The following PRKD1 variants were observed in gnomAD, a reference collection of about 807,000 sequenced individuals.
PRKD1 encodes protein kinase D1.
Under a neutral mutation model 95.9 loss-of-function variants are expected in PRKD1, and 63 were observed. The observed-to-expected ratio is 0.66, with a 90% confidence interval of 0.54 to 0.81. The LOEUF (loss-of-function observed/expected upper bound fraction) is 0.81, where lower values mean the gene tolerates loss of function less well. PRKD1 is among the 30% of genes least tolerant of loss of function. PRKD1 has a pLI of 0.00. For synonymous variants in PRKD1, 425 were observed against 423.1 expected, an observed-to-expected ratio of 1.00 and a Z score of -0.05; for missense variants, 1,048 against 1,165.3, an observed-to-expected ratio of 0.90 and a Z score of 1.47.
chr14:29,693,158 T>C (rs1226833184), intron 2 of PRKD1, among the ~76,000 whole-genome samples: 1 of 152,178 alleles, frequency 6.6e-6, no homozygotes, highest in Non-Finnish European at 1.5e-5. Context: ...GCAATTCTGG[T>C]ATTCTTACTA....
chr14:29,756,455 T>C (rs1217979488), intron 1 of PRKD1, among the ~76,000 whole-genome samples: 6 of 152,196 alleles, frequency 3.9e-5, no homozygotes, highest in African/African-American at 1.4e-4. Flanking sequence ...TGCATGCATA[T>C]TTAATAGTTC....
rs773846561 is a variant in PRKD1 at position 29,597,634 on chromosome 14, A to C, written c.2291T>G (p.Leu764Arg). The C allele has an allele frequency of 6.8e-6, 11 of 1,614,082 alleles. No homozygotes were observed. In the South Asian group the frequency reaches 9.9e-5, roughly 14 times the overall value. The change falls in exon 16 of 18, where the codon CTA becomes CGA. Residue 764 changes from leucine (L) to arginine (R), a missense_variant. Coordinates refer to ENST00000331968, the MANE Select transcript of PRKD1 (RefSeq NM_002742.3). ...VLRNKGYNRS[L>R]DMWSVGVIIY... Reference sequence around the variant, plus strand: ...GATGACCCCAACAGACCACATGTCTAGAGAGCGATTGTAGCCCTTGTTCCT... The same window carrying C: ...GATGACCCCAACAGACCACATGTCTCGAGAGCGATTGTAGCCCTTGTTCCT...
intron 1 of PRKD1, among the ~76,000 whole-genome samples, chr14:29,787,863 T>C (rs1889346631): frequency 6.6e-6 from 1 of 152,190 alleles, no homozygotes; most frequent in African/African-American, 2.4e-5. Context: ...GATGAGTTTC[T>C]GTCATTTTGT....
intron 4 of PRKD1, among the ~76,000 whole-genome samples, chr14:29,658,211 C>G (rs1197520422): frequency 3.9e-5 from 6 of 152,210 alleles, no homozygotes; most frequent in Middle Eastern, 3.2e-3. Flanking sequence ...AATTCAACTT[C>G]AGCTGCATGC....
At chr14:29,616,915 G>A (rs747306864) in intron 13 of PRKD1, among the ~76,000 whole-genome samples, 2 of 152,152 alleles carry the variant, frequency 1.3e-5, no homozygotes, top group African/African-American at 2.4e-5. Flanking sequence ...ATAAGCATTA[G>A]TACTCAACAG....
chr14:29,779,336 G>A (rs1396357661), intron 1 of PRKD1, among the ~76,000 whole-genome samples: 2 of 152,142 alleles, frequency 1.3e-5, no homozygotes, highest in Non-Finnish European at 2.9e-5. Flanking sequence ...AGGAAAAGAG[G>A]AAGTCAAATT....
intron 4 of PRKD1, chr14:29,656,487 G>A: frequency 6.5e-7 from 1 of 1,535,666 alleles, no homozygotes; most frequent in Non-Finnish European, 8.7e-7. Flanking sequence ...TCAAAGCCAG[G>A]ACTCACAGGA....
At chr14:29,769,147 G>A (rs1372068433) in intron 1 of PRKD1, among the ~76,000 whole-genome samples, 1 of 152,182 alleles carries the variant, frequency 6.6e-6, no homozygotes, top group African/African-American at 2.4e-5. Context: ...TACAGGTCAT[G>A]GGAGATTCAT....
At chr14:29,760,645 G>T (rs865881982) in intron 1 of PRKD1, among the ~76,000 whole-genome samples, 2 of 151,846 alleles carry the variant, frequency 1.3e-5, no homozygotes, top group Non-Finnish European at 2.9e-5. Flanking sequence ...GAGCCACCAC[G>T]CCTGCCTTTT....
intron 1 of PRKD1, among the ~76,000 whole-genome samples, chr14:29,777,794 A>T (rs369241168): frequency 1.3e-5 from 2 of 152,098 alleles, no homozygotes; most frequent in Non-Finnish European, 2.9e-5. Flanking sequence ...CCAAGCAGAC[A>T]TAATAGACAT....
intron 1 of PRKD1, among the ~76,000 whole-genome samples, chr14:29,822,591 T>C (rs1362064348): frequency 6.6e-6 from 1 of 152,196 alleles, no homozygotes; most frequent in Non-Finnish European, 1.5e-5. Flanking sequence ...TGAGAAATCC[T>C]TAGCTTCCTA....
intron 16 of PRKD1, chr14:29,591,297 AG>A (rs780877991): frequency 6.6e-6 from 1 of 152,294 alleles, no homozygotes; most frequent in South Asian, 2.1e-4. Context: ...TATCTGATAA[AG>A]AAGATGATAA....
chr14:29,612,934 T>TA (rs1487099194), intron 13 of PRKD1, among the ~76,000 whole-genome samples: 3 of 152,004 alleles, frequency 2.0e-5, no homozygotes, highest in Non-Finnish European at 4.4e-5. Context: ...CCGTCTCTAC[T>TA]AAAAATACAA....
At chr14:29,818,038 A>G (rs1342481455) in intron 1 of PRKD1, among the ~76,000 whole-genome samples, 1 of 152,230 alleles carries the variant, frequency 6.6e-6, no homozygotes, top group African/African-American at 2.4e-5. Flanking sequence ...AAAAAATGGC[A>G]TTTGACAGTA....
intron 1 of PRKD1, among the ~76,000 whole-genome samples, chr14:29,824,799 C>A (rs1200381631): frequency 6.6e-6 from 1 of 152,074 alleles, no homozygotes; most frequent in Non-Finnish European, 1.5e-5. Flanking sequence ...TATGAAATCT[C>A]TAGGTATATC....
chr14:29,925,649 C>T (rs1487593482), intron 1 of PRKD1, among the ~76,000 whole-genome samples: 2 of 152,070 alleles, frequency 1.3e-5, no homozygotes, highest in African/African-American at 2.4e-5. Context: ...AAGTGGGGGG[C>T]GGGGTGGAGG....
chr14:29,650,390 C>T (rs1449727094), intron 4 of PRKD1: 1 of 152,310 alleles, frequency 6.6e-6, no homozygotes, highest in Non-Finnish European at 1.5e-5. Context: ...GGCACCGGGA[C>T]ATGGGAGGGC....
intron 1 of PRKD1, among the ~76,000 whole-genome samples, chr14:29,829,443 T>C (rs1346828992): frequency 6.6e-6 from 1 of 152,220 alleles, no homozygotes; most frequent in African/African-American, 2.4e-5. Context: ...GTCTCTTATT[T>C]AGGGAAGAGT....
In PRKD1 at chr14:29,577,194, T is replaced by C. The variant is rs748754456; in HGVS notation, c.*44A>G. The C allele has an allele frequency of 6.4e-7, 1 of 1,559,456 alleles. No individual in the cohort carries two copies. The highest frequency in any genetic ancestry group is 8.8e-7 in the Non-Finnish European group (1 of 1,132,390). On this transcript the variant is annotated 3_prime_UTR_variant, in exon 18 of 18. Transcript: ENST00000331968. ...CAAATGTTAAACCTGACCGTATGTA[T>C]TTATTAGTTCCACAGTGTTTTGACA...
Sources: gnomAD v4.1 joint callset for allele counts (sites outside exome capture counted in the v4.1 genomes callset) on GRCh38, gnomAD v4.1.1 for gene constraint, MANE v1.5 for transcripts, NCBI Gene and HGNC (gene_info 2026-07-23, HGNC 2026-07-21) for gene names.